Variants in NRXN3 observed in about 807,000 individuals in gnomAD.
NRXN3 encodes neurexin III.
In NRXN3, 32 loss-of-function variants were observed where a neutral mutation model predicts 137.6. That is an observed-to-expected ratio of 0.23 (90% CI 0.18 to 0.31). The LOEUF (loss-of-function observed/expected upper bound fraction) is 0.31, where lower values mean the gene tolerates loss of function less well. NRXN3 is among the 10% of genes least tolerant of loss of function. The pLI is 1.00. For synonymous variants in NRXN3, 798 were observed against 784.5 expected (o/e 1.02, Z -0.29); for missense variants, 1,574 against 2,062.5 (o/e 0.76, Z 4.59).
chr14:78,516,353 A>G (rs2096207157), intron 4 of NRXN3, among the ~76,000 whole-genome samples: 1 of 150,902 alleles, frequency 6.6e-6, no homozygotes, highest in African/African-American at 2.4e-5. Context: ...AATTCTATAG[A>G]ATAGAAAAGA....
chr14:79,774,037 C>A (rs950326314), intron 19 of NRXN3, among the ~76,000 whole-genome samples: 7 of 152,044 alleles, frequency 4.6e-5, no homozygotes, highest in African/African-American at 1.7e-4. Context: ...TACAAAAGAA[C>A]CCTAGTAGAC....
At chr14:79,288,496 T>G (rs1181359721) in intron 15 of NRXN3, among the ~76,000 whole-genome samples, 1 of 152,216 alleles carries the variant, frequency 6.6e-6, no homozygotes, top group African/African-American at 2.4e-5. Context: ...ATATGTGACT[T>G]CATTTAATCC....
At chr14:78,358,488 C>A (rs985287323) in intron 4 of NRXN3, among the ~76,000 whole-genome samples, 1 of 152,240 alleles carries the variant, frequency 6.6e-6, no homozygotes, top group Non-Finnish European at 1.5e-5. Flanking sequence ...CTATTCTGAG[C>A]GGGCTGGTAT....
intron 3 of NRXN3, among the ~76,000 whole-genome samples, chr14:78,287,611 G>T (rs2075316422): frequency 6.6e-6 from 1 of 152,150 alleles, no homozygotes; most frequent in Non-Finnish European, 1.5e-5. Context: ...TGCTCCTTTA[G>T]CTTTTCCATT....
rs537706566 is a variant in NRXN3 at position 79,434,335 on chromosome 14, A to G, written c.3263-32886A>G. 2.0e-5 allele frequency among the ~76,000 whole-genome samples: 3 copies of G among 152,240 alleles called. No individual in the cohort carries two copies. In the South Asian group the frequency reaches 6.2e-4, roughly 32 times the overall value. Reference sequence around the variant, plus strand: ...GCACAATTTGGAAAAAATGAGACCAATTCTTAAAAAAAAAATCAAGCTGAA... The same window carrying G: ...GCACAATTTGGAAAAAATGAGACCAGTTCTTAAAAAAAAAATCAAGCTGAA... On this transcript the variant is annotated intron_variant, in intron 15 of 20. Transcript: ENST00000335750.
intron 4 of NRXN3, among the ~76,000 whole-genome samples, chr14:78,397,015 C>A (rs1470617467): frequency 1.3e-5 from 2 of 152,112 alleles, no homozygotes; most frequent in Non-Finnish European, 2.9e-5. Context: ...ACCCTTATGA[C>A]CTCATTTAAT....
At chr14:79,222,642 A>ACAGTCCTTTATCATTATG (rs2069994879) in intron 15 of NRXN3, among the ~76,000 whole-genome samples, 1 of 152,148 alleles carries the variant, frequency 6.6e-6, no homozygotes, top group African/African-American at 2.4e-5. Context: ...CATTCCCACA[A>ACAGTCCTTTATCATTATG]TCTATAGATG....
At chr14:78,610,367 A>G (rs1342418774) in intron 4 of NRXN3, among the ~76,000 whole-genome samples, 3 of 152,204 alleles carry the variant, frequency 2.0e-5, no homozygotes, top group African/African-American at 7.2e-5. Context: ...AAATCCTAAG[A>G]TCTGGCCAAC....
chr14:79,729,418 A>G (rs1391446664), intron 19 of NRXN3, among the ~76,000 whole-genome samples: 17 of 152,226 alleles, frequency 1.1e-4, no homozygotes, highest in Admixed American at 1.1e-3. Context: ...GGTGGGATCC[A>G]TGTGAACCAG....
intron 19 of NRXN3, among the ~76,000 whole-genome samples, chr14:79,744,458 C>T (rs776548873): frequency 1.3e-5 from 2 of 152,178 alleles, no homozygotes; most frequent in African/African-American, 2.4e-5. Flanking sequence ...ACTTGTGACT[C>T]CCACTGACAT....
chr14:78,337,261 GAATTA>G (rs2081587593), intron 4 of NRXN3, among the ~76,000 whole-genome samples: 1 of 152,124 alleles, frequency 6.6e-6, no homozygotes, highest in South Asian at 2.1e-4. Context: ...TGTACAGAGG[GAATTA>G]CATGACCTCC....
intron 6 of NRXN3, among the ~76,000 whole-genome samples, chr14:78,683,979 T>G (rs1487164682): frequency 6.6e-6 from 1 of 152,216 alleles, no homozygotes; most frequent in Non-Finnish European, 1.5e-5. Context: ...AAGGATGGTT[T>G]ACTTCTTAGT....
At chr14:78,573,891 G>A (rs889826733) in intron 4 of NRXN3, among the ~76,000 whole-genome samples, 1 of 152,210 alleles carries the variant, frequency 6.6e-6, no homozygotes, top group African/African-American at 2.4e-5. Context: ...GATATTCAGA[G>A]ATCTTCATGG....
chr14:78,334,087 C>T (rs1487365946), intron 4 of NRXN3, among the ~76,000 whole-genome samples: 1 of 152,108 alleles, frequency 6.6e-6, no homozygotes, highest in East Asian at 1.9e-4. Context: ...AAGGTATTGC[C>T]TTTCAGCAAG....
At chr14:78,339,917 G>A (rs2081964820) in intron 4 of NRXN3, among the ~76,000 whole-genome samples, 1 of 152,138 alleles carries the variant, frequency 6.6e-6, no homozygotes, top group Non-Finnish European at 1.5e-5. Flanking sequence ...GACACAAAGG[G>A]AGACAGAAAG....
At chr14:79,860,380 CA>C (rs936507406) in intron 20 of NRXN3, among the ~76,000 whole-genome samples, 1 of 152,126 alleles carries the variant, frequency 6.6e-6, no homozygotes, top group South Asian at 2.1e-4. Context: ...ATTTAATAGT[CA>C]GGGGGATTTC....
chr14:78,857,338 G>C (rs2099060310), intron 10 of NRXN3, among the ~76,000 whole-genome samples: 2 of 152,120 alleles, frequency 1.3e-5, no homozygotes, highest in Non-Finnish European at 2.9e-5. Context: ...ATAAAGCAGT[G>C]TTGAAGGAAG....
intron 15 of NRXN3, among the ~76,000 whole-genome samples, chr14:79,206,950 T>C (rs138334828): frequency 5.3e-4 from 81 of 152,228 alleles, no homozygotes; most frequent in African/African-American, 1.9e-3. Flanking sequence ...AACAAAAACA[T>C]TGAGCCCCTT....
chr14:79,159,709 T>A (rs978456000), intron 15 of NRXN3, among the ~76,000 whole-genome samples: 1 of 151,812 alleles, frequency 6.6e-6, no homozygotes, highest in African/African-American at 2.4e-5. Context: ...AGCTTCACCA[T>A]AAATTTCATG....
Sources: allele counts gnomAD v4.1 joint callset (sites outside exome capture counted in the v4.1 genomes callset), GRCh38; gene constraint gnomAD v4.1.1; transcripts MANE v1.5; gene names NCBI Gene and HGNC (gene_info 2026-07-23, HGNC 2026-07-21).